RGS9: variants seen among roughly 807,000 people sequenced by gnomAD.
RGS9 encodes regulator of G-protein signalling 9.
Under a neutral mutation model 102.0 loss-of-function variants are expected in RGS9, and 78 were observed. That is an observed-to-expected ratio of 0.76 (90% confidence interval 0.64 to 0.92). RGS9 has a LOEUF of 0.92. Ranked by LOEUF, RGS9 falls within the 40% of genes least tolerant of loss-of-function variation. RGS9 has a pLI of 0.00. For synonymous variants in RGS9, 353 were observed against 318.6 expected, an observed-to-expected ratio of 1.11 and a Z score of -1.15; for missense variants, 833 against 866.1, an observed-to-expected ratio of 0.96 and a Z score of 0.48.
At chr17:65,188,143 G>A (rs1022633787) in intron 9 of RGS9, among the ~76,000 whole-genome samples, 1 of 152,006 alleles carries the variant, frequency 6.6e-6, no homozygotes, top group Non-Finnish European at 1.5e-5. Context: ...GAGTTACATG[G>A]AGCAGAAAAG....
At chr17:65,147,404 T>C (rs971681295) in intron 1 of RGS9, among the ~76,000 whole-genome samples, 1 of 151,860 alleles carries the variant, frequency 6.6e-6, no homozygotes, top group African/African-American at 2.4e-5. Context: ...AAGATTGAAA[T>C]AGGGAATCTC....
At position 65,225,489 on chromosome 17, in the gene RGS9, A is replaced by G. The variant is rs1905620311; in HGVS notation, c.1892+3A>G. On this transcript the variant is annotated splice_donor_region_variant and intron_variant, in intron 18 of 18. Transcript: ENST00000262406. ...TTGAAATCCAAGAGAGTAGCAAAGT[A>G]AGAACCCGAAGGGGACGTGCCGTAT... 2 of 1,600,944 alleles carry G rather than the reference A, an allele frequency of 1.2e-6. No individual in the cohort carries two copies. Among genetic ancestry groups the G allele is most frequent in the Non-Finnish European group, 1.7e-6 (2 of 1,179,962 alleles).
At chr17:65,197,377 T>A in intron 13 of RGS9, 136 bp downstream of exon 13, 1 of 693,634 alleles carries the variant, frequency 1.4e-6, no homozygotes, top group South Asian at 1.6e-5. Flanking sequence ...AGTTGCTTCC[T>A]TTCACAGCTT....
intron 8 of RGS9, among the ~76,000 whole-genome samples, chr17:65,171,852 A>C (rs1395574665): frequency 6.6e-6 from 1 of 152,262 alleles, no homozygotes; most frequent in Non-Finnish European, 1.5e-5. Flanking sequence ...GTAAATGAAC[A>C]AAGGGAGAAA....
intron 17 of RGS9, among the ~76,000 whole-genome samples, chr17:65,222,261 C>T (rs889451246): frequency 1.6e-4 from 24 of 152,196 alleles, no homozygotes; most frequent in Admixed American, 1.5e-3. Flanking sequence ...GCCAAGCTTC[C>T]GATCTCTCTG....
intron 8 of RGS9, among the ~76,000 whole-genome samples, chr17:65,169,236 G>A (rs966141000): frequency 3.3e-5 from 5 of 152,196 alleles, no homozygotes; most frequent in Non-Finnish European, 7.4e-5. Context: ...CTCCTAAGGT[G>A]TTCCACTCTG....
Position 65,215,497 on chromosome 17 carries a change from G to GTTCTTTCTTTCTTTCTTTCT in RGS9, c.1407+4923_1407+4942dup, listed in dbSNP as rs779043184. ...TTCTCTATCTTTCTTTCGTTCTTTC[G>GTTCTTTCTTTCTTTCTTTCT]TTCTTTCTTTCTTTCTTTCTTTCTT... is the stretch of plus-strand genomic sequence containing the variant. On this transcript the variant is annotated intron_variant, in intron 17 of 18. Transcript: ENST00000262406. 1.7e-3 allele frequency among the ~76,000 whole-genome samples: 233 copies of GTTCTTTCTTTCTTTCTTTCT among 133,628 alleles called. 1 individual carries two copies. The highest frequency in any genetic ancestry group is 6.6e-3 in the East Asian group (29 of 4,386). The allele number at this position is 133,628 out of a possible 152,430, so 87.7% of individuals were successfully genotyped here. A position where few individuals can be genotyped will look rare whatever the true frequency, so the allele number is the denominator to read the frequency against.
At chr17:65,162,923 G>T in intron 6 of RGS9, 90 bp from the exon 7 acceptor site, 1 of 735,942 alleles carries the variant, frequency 1.4e-6, no homozygotes, top group Non-Finnish European at 2.5e-6. Flanking sequence ...TGAGCCAGGG[G>T]TGTGCCCTTG....
At chr17:65,171,791 C>T (rs1911429931) in intron 8 of RGS9, among the ~76,000 whole-genome samples, 1 of 152,210 alleles carries the variant, frequency 6.6e-6, no homozygotes. Flanking sequence ...GTTTTTTACT[C>T]AAATGGAACC....
At position 65,225,149 on chromosome 17, in the gene RGS9, A is replaced by T. The variant is rs1208223489; in HGVS notation, c.1555A>T (p.Thr519Ser). Residue 519 changes from threonine to serine, a missense_variant, in exon 18 of 19, where the codon ACC (threonine) becomes TCC (serine). This residue lies in a region of RGS9 where 320 missense variants were observed against 276.8 expected (regional missense o/e 1.16). Transcript: ENST00000262406. ...CAGCCGCTTCATCCGGCGACCCAGCACCACCATCTGCCCCTCACCCATCAG... is the reference window on the plus strand; with the variant it reads ...CAGCCGCTTCATCCGGCGACCCAGCTCCACCATCTGCCCCTCACCCATCAG... ...SPSRFIRRPS[T>S]TICPSPIRVA... 3 of 1,613,656 alleles carry T rather than the reference A, an allele frequency of 1.9e-6. No individual in the cohort carries two copies. In the Admixed American group the frequency reaches 5.0e-5, roughly 27 times the overall value.
chr17:65,189,468 G>A (rs1187215665), intron 10 of RGS9, among the ~76,000 whole-genome samples, 153 bp downstream of exon 10: 1 of 152,182 alleles, frequency 6.6e-6, no homozygotes, highest in African/African-American at 2.4e-5. Flanking sequence ...ACAGAGTGAC[G>A]AAGCATCTTC....
chr17:65,146,416 C>G (rs1037269679), intron 1 of RGS9, among the ~76,000 whole-genome samples: 1 of 151,638 alleles, frequency 6.6e-6, no homozygotes, highest in Non-Finnish European at 1.5e-5. Context: ...GGTGAAACCC[C>G]GTCTCTACTA....
chr17:65,208,086 C>A, intron 16 of RGS9, 79 bp downstream of exon 16: 2 of 948,712 alleles, frequency 2.1e-6, no homozygotes, highest in Non-Finnish European at 3.4e-6. Flanking sequence ...AGCCAAATGG[C>A]TATTATGGAG....
chr17:65,201,629 C>A (rs527381838), intron 13 of RGS9, among the ~76,000 whole-genome samples: 1 of 152,190 alleles, frequency 6.6e-6, no homozygotes, highest in East Asian at 1.9e-4. Context: ...AGTACGACAA[C>A]CTCTGGGGGG....
chr17:65,192,045 C>G (rs1290350485), intron 11 of RGS9, among the ~76,000 whole-genome samples: 1 of 152,222 alleles, frequency 6.6e-6, no homozygotes, highest in South Asian at 2.1e-4. Context: ...TCTGACTCAA[C>G]TCAAGGGAAT....
At chr17:65,143,593 G>A (rs139990408) in intron 1 of RGS9, among the ~76,000 whole-genome samples, 236 of 152,070 alleles carry the variant, frequency 1.6e-3, no homozygotes, top group African/African-American at 5.5e-3. Context: ...ACTAGCCTGG[G>A]CAACATGGTG....
intron 9 of RGS9, chr17:65,180,098 C>T (rs919010644): frequency 1.3e-5 from 2 of 152,304 alleles, no homozygotes; most frequent in Non-Finnish European, 2.9e-5. Flanking sequence ...CCTTCCAGCC[C>T]TCCCCTCAGG....
intron 2 of RGS9, among the ~76,000 whole-genome samples, chr17:65,153,782 C>G (rs1241309675): frequency 1.3e-5 from 2 of 152,030 alleles, no homozygotes; most frequent in African/African-American, 4.8e-5. Flanking sequence ...CCCAGCTACT[C>G]GGGAGGATGA....
At chr17:65,175,572 G>A (rs986119209) in intron 8 of RGS9, among the ~76,000 whole-genome samples, 4 of 152,120 alleles carry the variant, frequency 2.6e-5, no homozygotes, top group African/African-American at 7.2e-5. Flanking sequence ...CAGTGGTCTC[G>A]GGGCACACTC....
Sources: allele counts gnomAD v4.1 joint callset (sites outside exome capture counted in the v4.1 genomes callset), GRCh38; gene constraint gnomAD v4.1.1; regional missense constraint gnomAD v4.1.1; transcripts MANE v1.5; gene names NCBI Gene and HGNC (gene_info 2026-07-23, HGNC 2026-07-21).